EPHA3: variants seen among roughly 807,000 people sequenced by gnomAD.
EPHA3 encodes EPH receptor A3.
A neutral mutation model predicts 107.1 loss-of-function variants in EPHA3; 42 were observed. That is an observed-to-expected ratio of 0.39 (90% CI 0.31 to 0.51). The LOEUF is 0.51. Among genes scored for constraint, EPHA3 ranks in the 20% least tolerant of loss-of-function variants. The pLI, the probability that EPHA3 is intolerant of heterozygous loss-of-function variation, is 0.78. For synonymous variants in EPHA3, 461 were observed against 424.8 expected, an observed-to-expected ratio of 1.09 and a Z score of -1.05; for missense variants, 1,183 against 1,211.2, an observed-to-expected ratio of 0.98 and a Z score of 0.35.
chr3:89,198,212 C>T (rs578007843), intron 2 of EPHA3, among the ~76,000 whole-genome samples: 3 of 152,066 alleles, frequency 2.0e-5, no homozygotes, highest in South Asian at 2.1e-4. Context: ...TAGTATATTC[C>T]GGTGACATTT....
At chr3:89,125,750 G>A (rs866316842) in intron 1 of EPHA3, among the ~76,000 whole-genome samples, 10 of 151,634 alleles carry the variant, frequency 6.6e-5, no homozygotes, top group African/African-American at 2.2e-4. Flanking sequence ...TTTGAGAATT[G>A]TATTTCTTTT....
chr3:89,430,605 T>C (rs1052713684), intron 12 of EPHA3, among the ~76,000 whole-genome samples: 7 of 152,184 alleles, frequency 4.6e-5, no homozygotes, highest in Admixed American at 4.6e-4. Flanking sequence ...ATTTAGTTTC[T>C]TATTGCTTTC....
At chr3:89,346,421 GAGA>G (rs1189526014) in intron 5 of EPHA3, among the ~76,000 whole-genome samples, 1 of 143,914 alleles carries the variant, frequency 6.9e-6, no homozygotes. Context: ...GTCTTCTTTT[GAGA>G]AGTGTCTGTT....
intron 3 of EPHA3, among the ~76,000 whole-genome samples, chr3:89,235,866 A>G: frequency 6.6e-6 from 1 of 151,846 alleles, no homozygotes; most frequent in Non-Finnish European, 1.5e-5. Context: ...AATTGAAAAT[A>G]TATAAAGAAT....
intron 2 of EPHA3, among the ~76,000 whole-genome samples, chr3:89,200,247 T>C (rs972602276): frequency 2.6e-5 from 4 of 152,218 alleles, no homozygotes; most frequent in African/African-American, 9.6e-5. Context: ...ATCAATTTAT[T>C]TATATACACG....
chr3:89,308,414 A>G (rs1706678942), intron 3 of EPHA3, among the ~76,000 whole-genome samples: 1 of 152,198 alleles, frequency 6.6e-6, no homozygotes, highest in African/African-American at 2.4e-5. Flanking sequence ...GAAATTAAAA[A>G]GGGAAGCTGG....
At chr3:89,123,206 G>A (rs1489708163) in intron 1 of EPHA3, among the ~76,000 whole-genome samples, 1 of 152,074 alleles carries the variant, frequency 6.6e-6, no homozygotes, top group Non-Finnish European at 1.5e-5. Context: ...TTGCGGTGGC[G>A]CAATCTCGGC....
intron 3 of EPHA3, among the ~76,000 whole-genome samples, chr3:89,211,696 CT>C (rs894138638): frequency 1.3e-5 from 2 of 151,428 alleles, no homozygotes; most frequent in African/African-American, 2.4e-5. Context: ...TCTCCTCCCC[CT>C]CCCCCTCTTC....
intron 2 of EPHA3, among the ~76,000 whole-genome samples, chr3:89,182,388 AAAT>A (rs145996221): frequency 0.013 from 1,995 of 152,010 alleles, 40 homozygotes; most frequent in African/African-American, 0.042. Context: ...ACTGAAGTTT[AAAT>A]ACATCAGAGT....
chr3:89,281,025 T>TTATTTATA, intron 3 of EPHA3, among the ~76,000 whole-genome samples: 1 of 151,094 alleles, frequency 6.6e-6, no homozygotes, highest in African/African-American at 2.4e-5. Context: ...ATTTATTTAT[T>TTATTTATA]TATTTATTTA....
chr3:89,425,443 A>G (rs1373229541), intron 11 of EPHA3, among the ~76,000 whole-genome samples: 2 of 147,544 alleles, frequency 1.4e-5, no homozygotes, highest in Non-Finnish European at 3.0e-5. Flanking sequence ...CTGATTATAT[A>G]GATTGCTAGC....
intron 15 of EPHA3, 22 bp downstream of exon 15, chr3:89,450,392 C>G (rs574336123): frequency 6.3e-7 from 1 of 1,588,940 alleles, no homozygotes. Flanking sequence ...AATTTGTTAT[C>G]TGGCATTCAC....
At chr3:89,346,303 T>C (rs1394836030) in intron 5 of EPHA3, among the ~76,000 whole-genome samples, 2 of 131,994 alleles carry the variant, frequency 1.5e-5, no homozygotes, top group East Asian at 2.0e-4. Flanking sequence ...TTTTAATGAT[T>C]GCCATTCTAA....
intron 3 of EPHA3, among the ~76,000 whole-genome samples, chr3:89,324,370 C>A (rs1221882477): frequency 2.0e-5 from 3 of 151,806 alleles, no homozygotes; most frequent in African/African-American, 7.3e-5. Context: ...GAGGTTTCCC[C>A]ATGTTGGCCA....
intron 5 of EPHA3, 120 bp downstream of exon 5, chr3:89,342,210 T>A (rs1707545760): frequency 1.3e-6 from 1 of 792,714 alleles, no homozygotes; most frequent in Admixed American, 3.0e-5. Flanking sequence ...GGATTTTGCC[T>A]TCTAACACAT....
chr3:89,208,368 GA>G (rs68032279), intron 2 of EPHA3, among the ~76,000 whole-genome samples: 57,297 of 90,190 alleles, frequency 0.64, 20,049 homozygotes, highest in Non-Finnish European at 0.73. Flanking sequence ...AAGACTCTGT[GA>G]AAAAAAAAAA....
chr3:89,259,542 G>GT (rs1050745284), intron 3 of EPHA3, among the ~76,000 whole-genome samples: 1 of 152,074 alleles, frequency 6.6e-6, no homozygotes. Context: ...AGAGAATACT[G>GT]TTTTTTAAAA....
chr3:89,335,281 T>A (rs980972043), intron 3 of EPHA3, among the ~76,000 whole-genome samples: 2 of 152,150 alleles, frequency 1.3e-5, no homozygotes, highest in Non-Finnish European at 2.9e-5. Flanking sequence ...ACCTGCTAGC[T>A]GGGTCCTCAG....
At chr3:89,365,672 CACATTG>C (rs1383307385) in intron 5 of EPHA3, among the ~76,000 whole-genome samples, 3 of 150,604 alleles carry the variant, frequency 2.0e-5, no homozygotes, top group African/African-American at 7.3e-5. Context: ...ACTATTCACA[CACATTG>C]ACTTCCTTTT....
Sources: gnomAD v4.1 joint callset for allele counts (sites outside exome capture counted in the v4.1 genomes callset) on GRCh38, gnomAD v4.1.1 for gene constraint, MANE v1.5 for transcripts, NCBI Gene and HGNC (gene_info 2026-07-23, HGNC 2026-07-21) for gene names.